Variants in PAPPA observed in about 807,000 individuals in gnomAD.
The protein encoded by PAPPA is pappalysin-1.
A neutral mutation model predicts 164.0 loss-of-function variants in PAPPA; 60 were observed. That is an observed-to-expected ratio of 0.37 (90% CI 0.30 to 0.45). The LOEUF is 0.45. PAPPA is among the 20% of genes least tolerant of loss of function. The probability of loss-of-function intolerance (pLI) is 1.00; values close to 1 mark genes in which losing one functional copy is unlikely to be tolerated. For synonymous variants in PAPPA, 875 were observed against 814.1 expected (o/e 1.07, Z -1.27); for missense variants, 1,782 against 2,087.3 (o/e 0.85, Z 2.85).
intron 2 of PAPPA, among the ~76,000 whole-genome samples, chr9:116,200,824 TAGAA>T (rs1425284602): frequency 2.0e-5 from 3 of 151,346 alleles, no homozygotes; most frequent in African/African-American, 7.3e-5. Context: ...GGAAAGAAAT[TAGAA>T]AGGAAGAAAG....
chr9:116,154,070 G>A lies in PAPPA; in HGVS notation c.-103G>A. The A allele has an allele frequency of 8.6e-7, 1 of 1,158,824 alleles. No homozygotes were observed. The highest frequency in any genetic ancestry group is 1.1e-6 in the Non-Finnish European group (1 of 932,396). The allele number at this position is 1,158,824 out of a possible 1,614,324, so 71.8% of individuals were successfully genotyped here. On this transcript the variant is annotated 5_prime_UTR_variant, in exon 1 of 22. Coordinates refer to ENST00000328252, the MANE Select transcript of PAPPA (RefSeq NM_002581.5). This position sits in a 1 kb window ranked among gnomAD's most constrained non-coding sequence, Gnocchi z 5.2. The stretch of plus-strand genomic sequence containing the variant: ...CAAGTGGAAAGGGGGGCTCGCCCAA[G>A]AAGGGTGAAGAAGCGAAGAAAGTCG...
At chr9:116,327,095 T>A (rs1564226977) in intron 10 of PAPPA, among the ~76,000 whole-genome samples, 1 of 152,164 alleles carries the variant, frequency 6.6e-6, no homozygotes, top group Non-Finnish European at 1.5e-5. Flanking sequence ...TCTCCTTATC[T>A]CCTTTTCCAT....
At chr9:116,301,244 T>C (rs1458884644) in intron 9 of PAPPA, among the ~76,000 whole-genome samples, 1 of 152,180 alleles carries the variant, frequency 6.6e-6, no homozygotes, top group Non-Finnish European at 1.5e-5. Context: ...ACCACTATCA[T>C]TTTCAAAGTG....
intron 3 of PAPPA, among the ~76,000 whole-genome samples, chr9:116,210,612 A>G (rs1165037347): frequency 1.3e-5 from 2 of 152,224 alleles, no homozygotes; most frequent in African/African-American, 4.8e-5. Context: ...AATGCCTAAA[A>G]TGAACACAGC....
chr9:116,348,092 G>C (rs1846234887), intron 15 of PAPPA, among the ~76,000 whole-genome samples: 1 of 152,172 alleles, frequency 6.6e-6, no homozygotes, highest in Middle Eastern at 3.2e-3. Flanking sequence ...CCTGGCTGGG[G>C]AGACAAGGCC....
At position 116,154,385 on chromosome 9, in the gene PAPPA, C is replaced by T; in HGVS notation, c.213C>T (p.Ala71=). 1 of 1,089,984 alleles carries T rather than the reference C, an allele frequency of 9.2e-7. No homozygotes were observed. Among genetic ancestry groups the T allele is most frequent in the Non-Finnish European group, 1.2e-6 (1 of 861,196 alleles). 67.5% of individuals were successfully genotyped at this position (1,089,984 alleles called of 1,614,324 possible). Residue 71 remains alanine, a synonymous_variant, in exon 1 of 22, where the codon GCC becomes GCT. Transcript: ENST00000328252. The surrounding 1 kb of genome is among the most constrained non-coding windows in gnomAD (Gnocchi z 5.2). ...PPPPPGGAWE[A]VRVPRRRQQR... ...CGCCGCCGGGCGGTGCCTGGGAAGC[C>T]GTGCGCGTCCCCCGGCGGCGGCAGC...
At chr9:116,209,578 G>A (rs1200689235) in intron 3 of PAPPA, among the ~76,000 whole-genome samples, 3 of 152,150 alleles carry the variant, frequency 2.0e-5, no homozygotes, top group Non-Finnish European at 4.4e-5. Flanking sequence ...AGTATTTCAG[G>A]ATGATGTCAG....
At chr9:116,276,409 T>C (rs1845198780) in intron 9 of PAPPA, among the ~76,000 whole-genome samples, 1 of 152,206 alleles carries the variant, frequency 6.6e-6, no homozygotes, top group Non-Finnish European at 1.5e-5. Flanking sequence ...CTTTCCACCC[T>C]GTATTCTTCA....
At chr9:116,266,214 G>A (rs1845066619) in intron 8 of PAPPA, among the ~76,000 whole-genome samples, 1 of 152,264 alleles carries the variant, frequency 6.6e-6, no homozygotes, top group African/African-American at 2.4e-5. Flanking sequence ...TACAATATAT[G>A]ATTTAGACAG....
At chr9:116,295,552 TCA>T (rs1845495054) in intron 9 of PAPPA, among the ~76,000 whole-genome samples, 1 of 35,646 alleles carries the variant, frequency 2.8e-5, no homozygotes, top group Non-Finnish European at 6.3e-5. Flanking sequence ...AGACTCGGTC[TCA>T]AAAAAAAAAA....
At position 116,352,818 on chromosome 9, in the gene PAPPA, C is replaced by G. The variant is rs142403116; in HGVS notation, c.4077C>G (p.Thr1359=). The change falls in exon 16 of 22, where the codon ACC becomes ACG. Residue 1359 remains threonine (T), a synonymous_variant. Transcript: ENST00000328252. The part of the protein sequence containing the change: ...PPPVPNADLQ[T]ARCRENKHKV... Reference sequence around the variant, plus strand: ...CTGTGCCCAATGCAGACCTCCAGACCGCCCGGTGCCGAGAGAATAAGCACA... The same window carrying G: ...CTGTGCCCAATGCAGACCTCCAGACGGCCCGGTGCCGAGAGAATAAGCACA... The G allele has an allele frequency of 2.5e-6, 4 of 1,613,864 alleles. No individual in the cohort carries two copies. Among genetic ancestry groups the G allele is most frequent in the East Asian group, 2.2e-5 (1 of 44,870 alleles).
intron 21 of PAPPA, among the ~76,000 whole-genome samples, chr9:116,386,250 C>T (rs1169781499): frequency 1.3e-5 from 2 of 152,198 alleles, no homozygotes; most frequent in East Asian, 3.8e-4. Flanking sequence ...TAAAGTCACA[C>T]TTCCTACAAT....
intron 1 of PAPPA, among the ~76,000 whole-genome samples, chr9:116,178,388 G>A (rs367863263): frequency 9.2e-5 from 14 of 152,300 alleles, no homozygotes; most frequent in Admixed American, 3.3e-4. Flanking sequence ...GATTACAGGC[G>A]TGAGCCACCT....
chr9:116,300,921 T>A (rs1170622932), intron 9 of PAPPA, among the ~76,000 whole-genome samples: 1 of 152,096 alleles, frequency 6.6e-6, no homozygotes, highest in Non-Finnish European at 1.5e-5. Context: ...CTATTAGAGT[T>A]CTATGGTTAT....
At chr9:116,229,975 A>G (rs1844569382) in intron 6 of PAPPA, among the ~76,000 whole-genome samples, 1 of 152,224 alleles carries the variant, frequency 6.6e-6, no homozygotes, top group Admixed American at 6.5e-5. Context: ...ATCTCCCCAC[A>G]CTTACATCCA....
chr9:116,382,626 T>C, intron 21 of PAPPA, 133 bp downstream of exon 21: 1 of 600,516 alleles, frequency 1.7e-6, no homozygotes, highest in South Asian at 2.1e-5. Flanking sequence ...TTATTTCTTT[T>C]TTTAATTTTT....
intron 5 of PAPPA, among the ~76,000 whole-genome samples, chr9:116,221,977 T>C (rs1443736534): frequency 6.6e-6 from 1 of 152,176 alleles, no homozygotes; most frequent in Admixed American, 6.5e-5. Flanking sequence ...TAAGAAGTGT[T>C]AGCCAGGGTG....
chr9:116,346,578 C>A (rs151190712), intron 14 of PAPPA, among the ~76,000 whole-genome samples: 24 of 152,222 alleles, frequency 1.6e-4, no homozygotes, highest in African/African-American at 4.8e-4. Flanking sequence ...TCCTCTAGAG[C>A]TAATAAAAGA....
At chr9:116,299,853 C>T (rs1013479539) in intron 9 of PAPPA, among the ~76,000 whole-genome samples, 3 of 148,444 alleles carry the variant, frequency 2.0e-5, no homozygotes, top group Admixed American at 6.9e-5. Context: ...ACTGCAACAA[C>T]GCTGGGTAAA....
Sources: allele counts gnomAD v4.1 joint callset (sites outside exome capture counted in the v4.1 genomes callset), GRCh38; gene constraint gnomAD v4.1.1; non-coding constraint Gnocchi (gnomAD v3.1); transcripts MANE v1.5; gene names NCBI Gene and HGNC (gene_info 2026-07-23, HGNC 2026-07-21).